FAM81A: variants seen among roughly 807,000 people sequenced by gnomAD.
The protein encoded by FAM81A is protein FAM81A.
A neutral mutation model predicts 46.7 loss-of-function variants in FAM81A; 19 were observed. That is an observed-to-expected ratio of 0.41 (90% CI 0.28 to 0.60). The LOEUF is 0.60. Ranked by LOEUF, FAM81A falls within the 20% of genes least tolerant of loss-of-function variation. The probability of loss-of-function intolerance (pLI) is 0.34; values close to 1 mark genes in which losing one functional copy is unlikely to be tolerated. For synonymous variants in FAM81A, 183 were observed against 152.9 expected (o/e 1.20, Z -1.45); for missense variants, 377 against 453.5 (o/e 0.83, Z 1.53).
At chr15:59,499,596 C>T (rs1167125692) in intron 4 of FAM81A, among the ~76,000 whole-genome samples, 1 of 152,128 alleles carries the variant, frequency 6.6e-6, no homozygotes, top group Non-Finnish European at 1.5e-5. Context: ...GTTCTTCTAA[C>T]AATGAATTCT....
At chr15:59,449,433 A>T (rs1396635409) in intron 1 of FAM81A, among the ~76,000 whole-genome samples, 1 of 152,186 alleles carries the variant, frequency 6.6e-6, no homozygotes, top group Non-Finnish European at 1.5e-5. Context: ...TTCCACATTC[A>T]TCTTGAGATG....
chr15:59,400,082 G>A (rs1237011369), intron 1 of FAM81A, among the ~76,000 whole-genome samples: 1 of 152,074 alleles, frequency 6.6e-6, no homozygotes, highest in Non-Finnish European at 1.5e-5. Context: ...ACTGTTACAG[G>A]TGAGGGATTT....
intron 1 of FAM81A, among the ~76,000 whole-genome samples, chr15:59,451,297 TA>T (rs1210619443): frequency 5.3e-5 from 8 of 152,166 alleles, no homozygotes; most frequent in Non-Finnish European, 8.8e-5. Flanking sequence ...TATGGGAAGC[TA>T]AAAGATGTGG....
chr15:59,507,572 C>A (rs2082162830), intron 5 of FAM81A, among the ~76,000 whole-genome samples: 1 of 152,188 alleles, frequency 6.6e-6, no homozygotes, highest in Non-Finnish European at 1.5e-5. Context: ...TAATTCTACT[C>A]CCCACCACCA....
At chr15:59,515,511 G>A (rs1206389595) in intron 7 of FAM81A, among the ~76,000 whole-genome samples, 8 of 152,132 alleles carry the variant, frequency 5.3e-5, no homozygotes, top group Non-Finnish European at 1.2e-4. Context: ...GGAGTATCAT[G>A]CCATAACCCA....
At chr15:59,504,722 A>G (rs2082131114) in intron 4 of FAM81A, among the ~76,000 whole-genome samples, 1 of 152,062 alleles carries the variant, frequency 6.6e-6, no homozygotes, top group South Asian at 2.1e-4. Context: ...TTTATTTTGT[A>G]CTTATTCTTG....
intron 2 of FAM81A, among the ~76,000 whole-genome samples, chr15:59,421,984 G>A (rs1223064593): frequency 6.6e-6 from 1 of 151,924 alleles, no homozygotes; most frequent in Non-Finnish European, 1.5e-5. Context: ...GGAAAAGAAA[G>A]TTCATATGGC....
chr15:59,402,688 G>T (rs1370846313), intron 2 of FAM81A, among the ~76,000 whole-genome samples: 1 of 135,086 alleles, frequency 7.4e-6, no homozygotes, highest in Non-Finnish European at 1.5e-5. Flanking sequence ...TTACAAGCAT[G>T]TCCCAACAAG....
chr15:59,510,181 C>T (rs1360973843), intron 6 of FAM81A, among the ~76,000 whole-genome samples: 1 of 152,068 alleles, frequency 6.6e-6, no homozygotes, highest in African/African-American at 2.4e-5. Flanking sequence ...ACCTGGCTAA[C>T]ATGGTGAAAC....
chr15:59,505,105 A>G (rs2082134842), intron 4 of FAM81A, among the ~76,000 whole-genome samples: 1 of 152,050 alleles, frequency 6.6e-6, no homozygotes, highest in Non-Finnish European at 1.5e-5. Flanking sequence ...TTTGACTTCC[A>G]TGTTTCTTAA....
upstream of FAM81A, among the ~76,000 whole-genome samples, chr15:59,437,204 C>T (rs2081249076): frequency 6.6e-6 from 1 of 152,084 alleles, no homozygotes; most frequent in African/African-American, 2.4e-5. Flanking sequence ...TCAGCCGAAT[C>T]CACAGTTCGG....
rs1003535088 is a variant in FAM81A, at chr15:59,510,567, T to C, written c.650+1598T>C. On this transcript the variant is annotated intron_variant, in intron 6 of 8. Transcript: ENST00000288228. ...AAGGTGGTCTGGTACCTTCAGATAC[T>C]GAGAGTCTGATTGTCAGCCAGTGGA... Among the ~76,000 whole-genome samples the C allele has an allele frequency of 1.3e-4, 19 of 151,972 alleles. 1 individual carries two copies. Among genetic ancestry groups the C allele is most frequent in the African/African-American group, 4.1e-4 (17 of 41,478 alleles).
intron 3 of FAM81A, among the ~76,000 whole-genome samples, chr15:59,486,413 C>G (rs1293393028): frequency 6.6e-6 from 1 of 151,434 alleles, no homozygotes; most frequent in Admixed American, 6.6e-5. Context: ...TTCAAAAGGA[C>G]AAATCTAAAA....
At position 59,516,797 on chromosome 15, in the gene FAM81A, G is replaced by A. The variant is rs760297933; in HGVS notation, c.939G>A (p.Gln313=). Residue 313 remains glutamine (Q), a synonymous_variant, in exon 8 of 9, where the codon CAG becomes CAA. Coordinates refer to ENST00000288228, the MANE Select transcript of FAM81A (RefSeq NM_152450.3). The part of the protein sequence containing the change: ...MHGRITKLEL[Q]MNQNIKEMKA... ...GGCGAATCACCAAGCTGGAGTTACA[G>A]ATGAACCAGAACATCAAGGAAATGA... 4.5e-5 allele frequency: 72 copies of A among 1,611,576 alleles called. 1 individual carries two copies. In the South Asian group the frequency reaches 7.4e-4, roughly 17 times the overall value.
intron 3 of FAM81A, among the ~76,000 whole-genome samples, chr15:59,475,285 C>T (rs1363161680): frequency 1.3e-5 from 2 of 152,022 alleles, no homozygotes; most frequent in Admixed American, 1.3e-4. Flanking sequence ...GCTGGAATTT[C>T]AGGCACACCA....
At chr15:59,477,298 TTTA>T (rs1340847385) in intron 3 of FAM81A, among the ~76,000 whole-genome samples, 1 of 152,020 alleles carries the variant, frequency 6.6e-6, no homozygotes, top group Non-Finnish European at 1.5e-5. Flanking sequence ...TGCCTGAGTT[TTTA>T]TTATTATTAT....
At chr15:59,504,519 G>T (rs762528201) in intron 4 of FAM81A, among the ~76,000 whole-genome samples, 6 of 152,136 alleles carry the variant, frequency 3.9e-5, no homozygotes, top group Non-Finnish European at 7.4e-5. Flanking sequence ...GAATAATTGA[G>T]CTGGTAGCTT....
chr15:59,448,426 C>T (rs1596477931), intron 1 of FAM81A, among the ~76,000 whole-genome samples: 1 of 152,014 alleles, frequency 6.6e-6, no homozygotes, highest in African/African-American at 2.4e-5. Context: ...AAAATGTTTG[C>T]ACCATCTAAA....
intron 8 of FAM81A, among the ~76,000 whole-genome samples, chr15:59,517,640 A>G (rs562271585): frequency 1.3e-5 from 2 of 152,336 alleles, no homozygotes; most frequent in Non-Finnish European, 2.9e-5. Context: ...TTTTGGCCAC[A>G]TGGAAATAAA....
Sources: allele counts gnomAD v4.1 joint callset (sites outside exome capture counted in the v4.1 genomes callset), GRCh38; gene constraint gnomAD v4.1.1; transcripts MANE v1.5; gene names NCBI Gene and HGNC (gene_info 2026-07-23, HGNC 2026-07-21).